Variants in FHIT observed in about 807,000 individuals in gnomAD.
FHIT encodes the protein bis(5'-adenosyl)-triphosphatase.
In FHIT, 19 loss-of-function variants were observed where a neutral mutation model predicts 17.9. That is an observed-to-expected ratio of 1.06 (90% CI 0.74 to 1.56). FHIT has a LOEUF of 1.56. FHIT is among the 40% of genes most tolerant of loss of function. The probability of loss-of-function intolerance (pLI) is 0.00; values close to 1 mark genes in which losing one functional copy is unlikely to be tolerated. For missense variants in FHIT, 248 were observed against 189.2 expected (o/e 1.31, Z -1.82); for synonymous variants, 81 against 69.7 (o/e 1.16, Z -0.81).
intron 4 of FHIT, among the ~76,000 whole-genome samples, chr3:60,777,593 A>C (rs1376270834): frequency 2.0e-5 from 3 of 152,352 alleles, no homozygotes; most frequent in East Asian, 3.9e-4. Flanking sequence ...GGATCTGGAG[A>C]GAAAGGAATG....
chr3:60,071,742 C>T (rs2106978618), intron 5 of FHIT, among the ~76,000 whole-genome samples: 1 of 152,328 alleles, frequency 6.6e-6, no homozygotes, highest in Non-Finnish European at 1.5e-5. Context: ...ACCCAAATCT[C>T]ATCTTGAATT....
intron 5 of FHIT, among the ~76,000 whole-genome samples, chr3:60,224,750 G>T (rs116822456): frequency 0.029 from 3,711 of 126,590 alleles, 64 homozygotes; most frequent in Middle Eastern, 0.088. Flanking sequence ...TTATTTGACA[G>T]GGTCTTGCTC....
At chr3:60,826,156 A>T (rs1434440853) in intron 3 of FHIT, among the ~76,000 whole-genome samples, 1,250 of 4,378 alleles carry the variant, frequency 0.29, 26 homozygotes, top group Admixed American at 0.37. Flanking sequence ...AATGGATGGA[A>T]GGAAGGAAGG....
chr3:60,882,477 T>C (rs1705024723), intron 3 of FHIT, among the ~76,000 whole-genome samples: 1 of 152,080 alleles, frequency 6.6e-6, no homozygotes, highest in East Asian at 1.9e-4. Flanking sequence ...AACAAAATAC[T>C]AGCAAGTTGA....
intron 5 of FHIT, among the ~76,000 whole-genome samples, chr3:60,347,099 A>G (rs1710820981): frequency 6.6e-6 from 1 of 151,938 alleles, no homozygotes; most frequent in Non-Finnish European, 1.5e-5. Context: ...AAGATTCCCA[A>G]TCTGCCTACC....
intron 8 of FHIT, among the ~76,000 whole-genome samples, chr3:59,896,744 T>G (rs1356719449): frequency 6.6e-6 from 1 of 152,220 alleles, no homozygotes; most frequent in African/African-American, 2.4e-5. Flanking sequence ...TTAAGTGTGT[T>G]TTCCTTTTAT....
At chr3:60,425,830 T>C (rs1379582123) in intron 5 of FHIT, among the ~76,000 whole-genome samples, 1 of 151,912 alleles carries the variant, frequency 6.6e-6, no homozygotes, top group Non-Finnish European at 1.5e-5. Flanking sequence ...AATGATAGGA[T>C]CCCAGCTTAA....
intron 5 of FHIT, among the ~76,000 whole-genome samples, chr3:60,491,146 G>C (rs2034046825): frequency 6.6e-6 from 1 of 152,126 alleles, no homozygotes; most frequent in Non-Finnish European, 1.5e-5. Context: ...GCTCAGATCT[G>C]AAAGGTAAAC....
intron 5 of FHIT, among the ~76,000 whole-genome samples, chr3:60,217,578 C>A (rs6776575): frequency 2.6e-5 from 4 of 152,130 alleles, no homozygotes; most frequent in African/African-American, 9.7e-5. Context: ...AGTGGTCCCC[C>A]TTCCTTGTAG....
intron 1 of FHIT, among the ~76,000 whole-genome samples, chr3:61,212,197 C>G (rs1327313556): frequency 6.6e-6 from 1 of 152,200 alleles, no homozygotes; most frequent in Non-Finnish European, 1.5e-5. Context: ...GACGATCAAA[C>G]TACTCCGAGC....
At chr3:60,208,239 T>C (rs213320) in intron 5 of FHIT, among the ~76,000 whole-genome samples, 31,702 of 152,170 alleles carry the variant, frequency 0.21, 3,650 homozygotes, top group Middle Eastern at 0.28. Flanking sequence ...CAGGCAACAC[T>C]TTAACCTTAT....
chr3:60,011,209 A>G (rs1559546708), intron 7 of FHIT, among the ~76,000 whole-genome samples, 162 bp downstream of exon 7: 1 of 152,246 alleles, frequency 6.6e-6, no homozygotes, highest in Non-Finnish European at 1.5e-5. Flanking sequence ...ATTGTTTGGC[A>G]GAGTTTATAA....
intron 5 of FHIT, among the ~76,000 whole-genome samples, chr3:60,311,690 T>C (rs1708953992): frequency 6.6e-6 from 1 of 152,246 alleles, no homozygotes; most frequent in South Asian, 2.1e-4. Flanking sequence ...CATTCTGAGC[T>C]ATAAGCTTTT....
chr3:59,998,965 T>C (rs768573762), intron 7 of FHIT, among the ~76,000 whole-genome samples: 8 of 152,176 alleles, frequency 5.3e-5, no homozygotes, highest in Non-Finnish European at 1.0e-4. Flanking sequence ...TCCGGCACTT[T>C]ATTTAAATCT....
At chr3:60,708,842 G>C (rs112175317) in intron 4 of FHIT, among the ~76,000 whole-genome samples, 3 of 152,128 alleles carry the variant, frequency 2.0e-5, no homozygotes, top group Non-Finnish European at 1.5e-5. Context: ...TGAAGTTCAA[G>C]CTGAACTTTT....
At chr3:60,004,740 T>C (rs1396323725) in intron 7 of FHIT, among the ~76,000 whole-genome samples, 4 of 152,168 alleles carry the variant, frequency 2.6e-5, no homozygotes, top group African/African-American at 9.6e-5. Context: ...CAACTGTGCT[T>C]TTCCAGTATG....
intron 5 of FHIT, among the ~76,000 whole-genome samples, chr3:60,382,650 C>G (rs1169655831): frequency 1.3e-5 from 2 of 152,108 alleles, no homozygotes; most frequent in African/African-American, 2.4e-5. Context: ...TTCTTGAGTC[C>G]ATATTATTCC....
intron 1 of FHIT, among the ~76,000 whole-genome samples, chr3:61,219,532 A>G (rs2039780274): frequency 6.6e-6 from 1 of 152,148 alleles, no homozygotes; most frequent in African/African-American, 2.4e-5. Flanking sequence ...CAGGCCATGA[A>G]AACATTTTCA....
At chr3:60,249,263 A>G (rs1397427055) in intron 5 of FHIT, among the ~76,000 whole-genome samples, 2 of 152,132 alleles carry the variant, frequency 1.3e-5, no homozygotes, top group South Asian at 2.1e-4. Context: ...TTTATAAACA[A>G]AAGTTGGGGG....
Sources: allele counts gnomAD v4.1 joint callset (sites outside exome capture counted in the v4.1 genomes callset), GRCh38; gene constraint gnomAD v4.1.1; transcripts MANE v1.5; gene names NCBI Gene and HGNC (gene_info 2026-07-23, HGNC 2026-07-21).